Variants in FGGY observed in about 807,000 individuals in gnomAD.
The protein encoded by FGGY is FGGY carbohydrate kinase domain-containing protein.
A neutral mutation model predicts 71.3 loss-of-function variants in FGGY; 72 were observed. That is an observed-to-expected ratio of 1.01 (90% CI 0.84 to 1.23). FGGY has a LOEUF of 1.23. FGGY is among the 50% of genes most tolerant of loss of function. The pLI is 0.00. For missense variants in FGGY, 668 were observed against 682.3 expected, an observed-to-expected ratio of 0.98 and a Z score of 0.23; for synonymous variants, 251 against 250.3, an observed-to-expected ratio of 1.00 and a Z score of -0.02.
chr1:59,385,735 A>G (rs887355883), intron 5 of FGGY, among the ~76,000 whole-genome samples: 2 of 152,186 alleles, frequency 1.3e-5, no homozygotes, highest in Admixed American at 1.3e-4. Flanking sequence ...GAAAATAATG[A>G]TAAGATAACT....
Position 59,598,751 on chromosome 1 carries a change from C to G in FGGY, c.904-9052C>G, listed in dbSNP as rs149721740. 5.9e-5 allele frequency among the ~76,000 whole-genome samples: 9 copies of G among 152,270 alleles called. No homozygotes were observed. The East Asian group carries it at 1.2e-3, about 20-fold the overall frequency. On this transcript the variant is annotated intron_variant, in intron 8 of 15. Transcript: ENST00000303721. The stretch of plus-strand genomic sequence containing the variant: ...TTTGGTAAGCCCGATCTTTATTAAC[C>G]ATGTCTTGCTTACAGATAATATTAG...
chr1:59,404,890 G>A (rs747940190), intron 5 of FGGY, among the ~76,000 whole-genome samples: 2 of 152,130 alleles, frequency 1.3e-5, no homozygotes, highest in Admixed American at 6.6e-5. Context: ...ACGTACTGCC[G>A]CTGAGCTCAC....
At chr1:59,722,378 G>T (rs1445269646) in intron 14 of FGGY, among the ~76,000 whole-genome samples, 1 of 152,080 alleles carries the variant, frequency 6.6e-6, no homozygotes, top group African/African-American at 2.4e-5. Flanking sequence ...GTACTCTTTG[G>T]AAAGAAGTCA....
intron 1 of FGGY, among the ~76,000 whole-genome samples, chr1:59,300,090 A>G (rs1018673282): frequency 3.3e-5 from 5 of 152,242 alleles, no homozygotes; most frequent in African/African-American, 4.8e-5. Context: ...AGTCATCAGT[A>G]GGTGTTCTTG....
At chr1:59,647,601 C>T (rs899646354) in intron 11 of FGGY, among the ~76,000 whole-genome samples, 5 of 152,136 alleles carry the variant, frequency 3.3e-5, no homozygotes, top group Admixed American at 2.0e-4. Context: ...TGCTTCCACA[C>T]TCATTCAAGT....
At chr1:59,369,019 A>G (rs1263464646) in intron 4 of FGGY, among the ~76,000 whole-genome samples, 3 of 152,126 alleles carry the variant, frequency 2.0e-5, no homozygotes, top group African/African-American at 7.2e-5. Flanking sequence ...TTTCCATCTG[A>G]GGTACTAGGT....
Position 59,364,711 on chromosome 1 carries a change from G to A in FGGY, c.466-14038G>A, listed in dbSNP as rs553332340. On this transcript the variant is annotated intron_variant, in intron 4 of 15. Coordinates refer to ENST00000303721, the MANE Select transcript of FGGY (RefSeq NM_018291.5). ...GGGATATTCATAGAGTACTATAGGG[G>A]CATAGCATAAGAGCATCTGACTCAG... Among the ~76,000 whole-genome samples the A allele has an allele frequency of 2.6e-5, 4 of 152,290 alleles. No homozygotes were observed. The East Asian group carries it at 7.7e-4, about 29-fold the overall frequency.
At chr1:59,401,792 A>C (rs1158650981) in intron 5 of FGGY, among the ~76,000 whole-genome samples, 2 of 152,212 alleles carry the variant, frequency 1.3e-5, no homozygotes, top group Admixed American at 6.5e-5. Flanking sequence ...GTCATGACTC[A>C]ATGTGAAAAG....
intron 6 of FGGY, among the ~76,000 whole-genome samples, chr1:59,497,398 C>T (rs996598673): frequency 1.3e-5 from 2 of 152,134 alleles, no homozygotes; most frequent in East Asian, 3.9e-4. Flanking sequence ...ACCAGCCTGG[C>T]CAACATGGCA....
At chr1:59,397,904 T>C (rs1046790133) in intron 5 of FGGY, among the ~76,000 whole-genome samples, 1 of 152,214 alleles carries the variant, frequency 6.6e-6, no homozygotes, top group East Asian at 1.9e-4. Flanking sequence ...GCCAACTCTT[T>C]GACCTTTGAA....
At chr1:59,457,856 G>A (rs2091864663) in intron 6 of FGGY, among the ~76,000 whole-genome samples, 1 of 152,180 alleles carries the variant, frequency 6.6e-6, no homozygotes, top group Non-Finnish European at 1.5e-5. Context: ...CCTAACTAAG[G>A]CCTTAGGGTC....
intron 7 of FGGY, among the ~76,000 whole-genome samples, chr1:59,518,213 G>A (rs72666227): frequency 0.037 from 5,563 of 152,182 alleles, 147 homozygotes; most frequent in East Asian, 0.13. Flanking sequence ...TGCAAAAAGG[G>A]CCTTTGGTTC....
intron 8 of FGGY, among the ~76,000 whole-genome samples, chr1:59,590,336 T>C (rs1419233228): frequency 7.2e-5 from 11 of 152,304 alleles, no homozygotes; most frequent in African/African-American, 2.4e-4. Context: ...CAGATGGATT[T>C]ACAGCTGAAT....
chr1:59,622,145 A>G lies in FGGY; in HGVS notation c.1012-3843A>G, dbSNP rs72919619. Among the ~76,000 whole-genome samples the G allele has an allele frequency of 6.3e-3, 965 of 152,144 alleles. 9 individuals are homozygous for G. Among genetic ancestry groups the G allele is most frequent in the African/African-American group, 0.022 (900 of 41,540 alleles). ...TTATTTCAGATATTGTATTTAATCAATACTATTACATTTGTATTTTAATAG... is the reference window on the plus strand; with the variant it reads ...TTATTTCAGATATTGTATTTAATCAGTACTATTACATTTGTATTTTAATAG... On this transcript the variant is annotated intron_variant, in intron 9 of 15. Coordinates refer to ENST00000303721, the MANE Select transcript of FGGY (RefSeq NM_018291.5).
chr1:59,533,412 C>T (rs534346924), intron 7 of FGGY, among the ~76,000 whole-genome samples: 2 of 152,310 alleles, frequency 1.3e-5, no homozygotes, highest in East Asian at 1.9e-4. Flanking sequence ...AAGGCTGCAG[C>T]GAGGCTGGGG....
rs140575837 is a variant in FGGY, at chr1:59,313,733, C to T, written c.-14-7803C>T. Among the ~76,000 whole-genome samples, 60 of 152,296 alleles carry T rather than the reference C, an allele frequency of 3.9e-4. 1 individual carries two copies. In the East Asian group the frequency reaches 0.011, roughly 27 times the overall value. On this transcript the variant is annotated intron_variant, in intron 1 of 15. Transcript: ENST00000303721. ...GAAAACCAAACATTGTATGTTCTCA[C>T]TCATAAGTGGGAGCTAAGCTATGAG...
intron 6 of FGGY, among the ~76,000 whole-genome samples, chr1:59,510,904 A>T (rs1248432842): frequency 1.3e-5 from 2 of 152,218 alleles, no homozygotes; most frequent in Non-Finnish European, 2.9e-5. Flanking sequence ...TTCCGAACAT[A>T]CTTAAAAGTT....
intron 5 of FGGY, among the ~76,000 whole-genome samples, chr1:59,395,247 T>C (rs2153388617): frequency 6.6e-6 from 1 of 152,240 alleles, no homozygotes; most frequent in Non-Finnish European, 1.5e-5. Context: ...GTGTTAGGTG[T>C]TGAGAAATCT....
chr1:59,343,630 A>G (rs1225789615), intron 3 of FGGY, among the ~76,000 whole-genome samples: 1 of 152,200 alleles, frequency 6.6e-6, no homozygotes, highest in Admixed American at 6.6e-5. Flanking sequence ...TTGATATCCT[A>G]GCATCCAACA....
Sources: gnomAD v4.1 joint callset for allele counts (sites outside exome capture counted in the v4.1 genomes callset) on GRCh38, gnomAD v4.1.1 for gene constraint, MANE v1.5 for transcripts, NCBI Gene and HGNC (gene_info 2026-07-23, HGNC 2026-07-21) for gene names.